Variants in IGFBPL1 observed in about 807,000 individuals in gnomAD.
The protein encoded by IGFBPL1 is insulin-like growth factor-binding protein-like 1.
Under a neutral mutation model 23.9 loss-of-function variants are expected in IGFBPL1, and 20 were observed. The ratio of observed to expected loss-of-function variants is 0.84; its 90% CI spans 0.59 to 1.22. The LOEUF (loss-of-function observed/expected upper bound fraction) is 1.22, where lower values mean the gene tolerates loss of function less well. Ranked by LOEUF, IGFBPL1 falls within the 50% of genes most tolerant of loss-of-function variation. The pLI, the probability that IGFBPL1 is intolerant of heterozygous loss-of-function variation, is 0.00. For missense variants in IGFBPL1, 436 were observed against 379.3 expected, an observed-to-expected ratio of 1.15 and a Z score of -1.24; for synonymous variants, 184 against 171.8, an observed-to-expected ratio of 1.07 and a Z score of -0.56.
rs1554661897 is a variant in IGFBPL1 at position 38,419,857 on chromosome 9, T to TCCC, written c.460+4107_460+4108insGGG. Among the ~76,000 whole-genome samples, 4 of 124,358 alleles carry TCCC rather than the reference T, an allele frequency of 3.2e-5. No individual in the cohort carries two copies. In the Admixed American group the frequency reaches 3.6e-4, roughly 11 times the overall value. 81.6% of individuals were successfully genotyped at this position (124,358 alleles called of 152,430 possible). A position where few individuals can be genotyped will look rare whatever the true frequency, so the allele number is the denominator to read the frequency against. Reference sequence around the variant, plus strand: ...TTTGCATCCTTCTTCTTCCTTCTCCTCCTCCCCCTCCTCCTCCTCCTCCTC... The same window carrying TCCC: ...TTTGCATCCTTCTTCTTCCTTCTCCTCCCCCTCCCCCTCCTCCTCCTCCTCCTC... On this transcript the variant is annotated intron_variant, in intron 1 of 4. Coordinates refer to ENST00000377694, the MANE Select transcript of IGFBPL1 (RefSeq NM_001007563.3).
intron 1 of IGFBPL1, among the ~76,000 whole-genome samples, chr9:38,414,987 C>A (rs1821578639): frequency 6.6e-6 from 1 of 152,176 alleles, no homozygotes; most frequent in Admixed American, 6.5e-5. Flanking sequence ...CAAGGCCAGG[C>A]GTTTCTACCT....
chr9:38,411,587 GGA>G (rs1821514399), intron 3 of IGFBPL1, 38 bp from the exon 4 acceptor site: 11 of 1,576,356 alleles, frequency 7.0e-6, no homozygotes, highest in Non-Finnish European at 9.6e-6. Context: ...AGTTATATAA[GGA>G]ACAGCAAAAT....
intron 1 of IGFBPL1, among the ~76,000 whole-genome samples, chr9:38,419,583 C>A (rs1380927005): frequency 1.3e-5 from 2 of 152,076 alleles, no homozygotes; most frequent in Non-Finnish European, 2.9e-5. Flanking sequence ...GGGTGCTGGC[C>A]GGGACCCTGT....
intron 1 of IGFBPL1, among the ~76,000 whole-genome samples, chr9:38,419,897 T>TCTC (rs1563920775): frequency 6.6e-6 from 1 of 150,984 alleles, no homozygotes; most frequent in Non-Finnish European, 1.5e-5. Context: ...TCCTCCTTCT[T>TCTC]CTTCTTCTTT....
Position 38,413,361 on chromosome 9 carries a change from G to A in IGFBPL1, c.571-8C>T, listed in dbSNP as rs748215029. Reference sequence around the variant, plus strand: ...CTCAGGGGACTTCGTGACCTACAGGGGACAGGAATGCCAGGAGGGGGCTTA... The same window carrying A: ...CTCAGGGGACTTCGTGACCTACAGGAGACAGGAATGCCAGGAGGGGGCTTA... On this transcript the variant is annotated splice_region_variant and splice_polypyrimidine_tract_variant and intron_variant, in intron 2 of 4. Coordinates refer to ENST00000377694, the MANE Select transcript of IGFBPL1 (RefSeq NM_001007563.3). 1.4e-5 allele frequency: 22 copies of A among 1,568,536 alleles called. No individual in the cohort carries two copies. Among genetic ancestry groups the A allele is most frequent in the Admixed American group, 8.5e-5 (5 of 59,076 alleles).
chr9:38,419,891 CCTT>C (rs571043680), intron 1 of IGFBPL1, among the ~76,000 whole-genome samples: 20 of 126,196 alleles, frequency 1.6e-4, no homozygotes, highest in South Asian at 5.4e-4. Flanking sequence ...TCCTCCTCCT[CCTT>C]CTTCTTCTTC....
chr9:38,424,001 G>C lies in IGFBPL1; in HGVS notation c.424C>G (p.His142Asp), dbSNP rs1167346487. The C allele has an allele frequency of 1.4e-6, 2 of 1,411,378 alleles. No homozygotes were observed. The highest frequency in any genetic ancestry group is 1.8e-4 in the Middle Eastern group (1 of 5,510). 87.4% of individuals were successfully genotyped at this position (1,411,378 alleles called of 1,614,324 possible). A position where few individuals can be genotyped will look rare whatever the true frequency, so the allele number is the denominator to read the frequency against. Reference protein sequence around the residue: ...ARHTPRAHPGHLHKARDGPCE... With the variant: ...ARHTPRAHPGDLHKARDGPCE... Reference sequence around the variant, plus strand: ...GGGCCGTCGCGCGCCTTGTGCAGGTGACCGGGGTGCGCGCGGGGCGTGTGC... The same window carrying C: ...GGGCCGTCGCGCGCCTTGTGCAGGTCACCGGGGTGCGCGCGGGGCGTGTGC... The change falls in exon 1 of 5, where the codon CAC becomes GAC. Residue 142 changes from histidine to aspartate, a missense_variant. Transcript: ENST00000377694.
At chr9:38,416,107 G>A (rs536656213) in intron 1 of IGFBPL1, among the ~76,000 whole-genome samples, 50 of 152,278 alleles carry the variant, frequency 3.3e-4, no homozygotes, top group Non-Finnish European at 4.1e-4. Context: ...TCCCGCCAGC[G>A]CCTCCCCAAC....
In IGFBPL1 at chr9:38,409,219, T is replaced by G. The variant is rs545498229; in HGVS notation, c.*10-2A>C. On this transcript the variant is annotated splice_acceptor_variant, in intron 4 of 4. Transcript: ENST00000377694. LOFTEE classifies it low-confidence loss of function (3UTR_SPLICE). ...CCCATGATCAATGTTTCTAAGACCC[T>G]AGGAAGAAAAGGAGAGAAAGAATTA... The G allele has an allele frequency of 6.6e-6, 1 of 152,234 alleles. No homozygotes were observed. Among genetic ancestry groups the G allele is most frequent in the South Asian group, 2.1e-4 (1 of 4,814 alleles). 9.4% of individuals were successfully genotyped at this position (152,234 alleles called of 1,614,324 possible).
In IGFBPL1 at chr9:38,411,494, A is replaced by G; in HGVS notation, c.743T>C (p.Met248Thr). The change falls in exon 4 of 5, where the codon ATG becomes ACG. Residue 248 changes from methionine (M) to threonine (T), a missense_variant. Met to Thr is a moderately conservative substitution (Grantham distance 81). Coordinates refer to ENST00000377694, the MANE Select transcript of IGFBPL1 (RefSeq NM_001007563.3). ...EGVYQCHAAN[M>T]VGEAESHSTV... ...GCTGTGGGACTCAGCCTCTCCCACC[A>G]TGTTGGCTGCATGGCACTGGTACAC... The G allele has an allele frequency of 1.2e-6, 2 of 1,614,078 alleles. No individual in the cohort carries two copies. The highest frequency in any genetic ancestry group is 4.5e-5 in the East Asian group (2 of 44,892).
chr9:38,423,946 A>G lies in IGFBPL1; in HGVS notation c.460+19T>C, dbSNP rs570668318. On this transcript the variant is annotated intron_variant, in intron 1 of 4. Coordinates refer to ENST00000377694, the MANE Select transcript of IGFBPL1 (RefSeq NM_001007563.3). ...GAATCCCTCCTTCTCTACCCACCCA[A>G]TCCCCGACCCTGACTCACCGAACTC... 8.8e-6 allele frequency: 12 copies of G among 1,358,574 alleles called. No individual in the cohort carries two copies. In the South Asian group the frequency reaches 1.6e-4, roughly 18 times the overall value. 84.2% of individuals were successfully genotyped at this position (1,358,574 alleles called of 1,614,324 possible). A position where few individuals can be genotyped will look rare whatever the true frequency, so the allele number is the denominator to read the frequency against.
chr9:38,419,176 T>C (rs779335410), intron 1 of IGFBPL1, among the ~76,000 whole-genome samples: 3 of 152,134 alleles, frequency 2.0e-5, no homozygotes, highest in Non-Finnish European at 4.4e-5. Flanking sequence ...TTAAAGTTAA[T>C]GGTGCTAGGG....
chr9:38,424,434 C>A lies in IGFBPL1; in HGVS notation c.-10G>T. The stretch of plus-strand genomic sequence containing the variant: ...GAGACAAGCGCGGCATGGCTTGCTC[C>A]GGGACAGCGGCGGCGCCTCTGCTTC... On this transcript the variant is annotated 5_prime_UTR_variant, in exon 1 of 5. Transcript: ENST00000377694. 2 of 550,580 alleles carry A rather than the reference C, an allele frequency of 3.6e-6. No homozygotes were observed. Among genetic ancestry groups the A allele is most frequent in the South Asian group, 2.1e-5 (1 of 48,742 alleles). The allele number at this position is 550,580 out of a possible 1,614,324, so 34.1% of individuals were successfully genotyped here. A position where few individuals can be genotyped will look rare whatever the true frequency, so the allele number is the denominator to read the frequency against.
In IGFBPL1 at chr9:38,411,447, T is replaced by C. The variant is rs780841460; in HGVS notation, c.790A>G (p.Ser264Gly). The C allele has an allele frequency of 6.2e-7, 1 of 1,614,130 alleles. No homozygotes were observed. Among genetic ancestry groups the C allele is most frequent in the Non-Finnish European group, 8.5e-7 (1 of 1,179,992 alleles). Residue 264 changes from serine to glycine, a missense_variant, in exon 4 of 5, where the codon AGT becomes GGT. Coordinates refer to ENST00000377694, the MANE Select transcript of IGFBPL1 (RefSeq NM_001007563.3). The stretch of plus-strand genomic sequence containing the variant: ...GGGAAGTGGAAGCTCCTGTATTTAC[T>C]CAGATCTAGAACCGTCACTGTGCTG... ...SHSTVTVLDLSKYRSFHFPAP... is the reference protein window; with the variant it reads ...SHSTVTVLDLGKYRSFHFPAP...
intron 2 of IGFBPL1, 27 bp from the exon 3 acceptor site, chr9:38,413,380 G>C: frequency 6.7e-7 from 1 of 1,490,744 alleles, no homozygotes; most frequent in Non-Finnish European, 9.3e-7. Context: ...TGCCAGGAGG[G>C]GGCTTAGAAA....
In IGFBPL1 at chr9:38,424,213, C is replaced by T. The variant is rs942183719; in HGVS notation, c.212G>A (p.Gly71Glu). ...GCCCCCGCAGCTCGCGCCCTCGGCT[C>T]CCAGGCAGCGGGCGCAGCAGCCGCA... ...DECGCCARCL[G>E]AEGASCGGRA... is the part of the protein sequence containing the mutation. The change falls in exon 1 of 5, where the codon GGA (glycine) becomes GAA (glutamate). Residue 71 changes from glycine to glutamate, a missense_variant. Gly to Glu is a moderately conservative substitution (Grantham distance 98). Coordinates refer to ENST00000377694, the MANE Select transcript of IGFBPL1 (RefSeq NM_001007563.3). 2 of 1,181,944 alleles carry T rather than the reference C, an allele frequency of 1.7e-6. No individual in the cohort carries two copies. Among genetic ancestry groups the T allele is most frequent in the Non-Finnish European group, 2.1e-6 (2 of 957,260 alleles). 73.2% of individuals were successfully genotyped at this position (1,181,944 alleles called of 1,614,324 possible).
At chr9:38,410,323 A>G (rs1821494085) in intron 4 of IGFBPL1, among the ~76,000 whole-genome samples, 2 of 150,988 alleles carry the variant, frequency 1.3e-5, no homozygotes, top group African/African-American at 4.9e-5. Flanking sequence ...TCTACTAAAA[A>G]TACAAAAAAA....
At chr9:38,411,297 C>T (rs1472649327) in intron 4 of IGFBPL1, 94 bp downstream of exon 4, 35 of 1,077,586 alleles carry the variant, frequency 3.2e-5, no homozygotes, top group Middle Eastern at 4.3e-4. Flanking sequence ...CCTCCATTTA[C>T]GTATTTTTCT....
intron 1 of IGFBPL1, among the ~76,000 whole-genome samples, chr9:38,420,223 G>A (rs1002874743): frequency 6.6e-6 from 1 of 152,128 alleles, no homozygotes; most frequent in South Asian, 2.1e-4. Flanking sequence ...AACTACTCTG[G>A]GGTGTCATCT....
Sources: gnomAD v4.1 joint callset for allele counts (sites outside exome capture counted in the v4.1 genomes callset) on GRCh38, gnomAD v4.1.1 for gene constraint, MANE v1.5 for transcripts, NCBI Gene and HGNC (gene_info 2026-07-23, HGNC 2026-07-21) for gene names.